The following SLC8A1 variants were observed in gnomAD, a reference collection of about 807,000 sequenced individuals.
SLC8A1 encodes solute carrier family 8 member A1.
SLC8A1 carries 18 observed loss-of-function variants against 68.3 expected under a neutral mutation model. The ratio of observed to expected loss-of-function variants is 0.26; its 90% CI spans 0.18 to 0.39. The LOEUF is 0.39. SLC8A1 is among the 10% of genes least tolerant of loss of function. The pLI, the probability that SLC8A1 is intolerant of heterozygous loss-of-function variation, is 1.00. For synonymous variants in SLC8A1, 475 were observed against 415.5 expected (o/e 1.14, Z -1.74); for missense variants, 985 against 1,156.7 (o/e 0.85, Z 2.15).
intron 2 of SLC8A1, among the ~76,000 whole-genome samples, chr2:40,389,833 G>GAT (rs1207899430): frequency 6.1e-5 from 9 of 147,798 alleles, no homozygotes; most frequent in East Asian, 3.9e-4. Context: ...TGATATATAT[G>GAT]ATATATATAT....
chr2:40,489,126 C>T (rs1705160783), intron 1 of SLC8A1, among the ~76,000 whole-genome samples: 2 of 152,102 alleles, frequency 1.3e-5, no homozygotes, highest in South Asian at 2.1e-4. Context: ...AGGAGGCTGT[C>T]TGAGTTTCTG....
At chr2:40,135,471 C>T (rs781572586) in intron 7 of SLC8A1, among the ~76,000 whole-genome samples, 21 of 151,746 alleles carry the variant, frequency 1.4e-4, no homozygotes, top group African/African-American at 2.4e-4. Context: ...ACTTTGGGGG[C>T]GGCAGGGGAG....
At chr2:40,359,588 G>C (rs772655336) in intron 2 of SLC8A1, among the ~76,000 whole-genome samples, 2 of 152,016 alleles carry the variant, frequency 1.3e-5, no homozygotes, top group Non-Finnish European at 2.9e-5. Flanking sequence ...TTTGGTTTAG[G>C]GTCAAGAAGT....
At chr2:40,474,329 C>A (rs1467800545) in intron 1 of SLC8A1, among the ~76,000 whole-genome samples, 2 of 152,128 alleles carry the variant, frequency 1.3e-5, no homozygotes, top group African/African-American at 2.4e-5. Flanking sequence ...CATAATGTAG[C>A]CTTATCACAT....
At chr2:40,327,591 AC>A (rs1559258344) in intron 2 of SLC8A1, among the ~76,000 whole-genome samples, 1 of 152,104 alleles carries the variant, frequency 6.6e-6, no homozygotes, top group Admixed American at 6.6e-5. Flanking sequence ...ATAAAAAAAA[AC>A]ATGTTCTTTG....
intron 2 of SLC8A1, among the ~76,000 whole-genome samples, chr2:40,314,752 T>C (rs994917374): frequency 6.6e-6 from 1 of 152,024 alleles, no homozygotes; most frequent in Admixed American, 6.6e-5. Context: ...TATTTTATAT[T>C]TTTGATGACA....
chr2:40,209,635 C>T (rs1036318220), intron 2 of SLC8A1, among the ~76,000 whole-genome samples: 2 of 152,072 alleles, frequency 1.3e-5, no homozygotes, highest in African/African-American at 2.4e-5. Context: ...CTGTGGTTCC[C>T]GGCAAAGGAT....
At chr2:40,288,849 A>AT (rs949794541) in intron 2 of SLC8A1, among the ~76,000 whole-genome samples, 1 of 138,762 alleles carries the variant, frequency 7.2e-6, no homozygotes, top group Admixed American at 7.2e-5. Context: ...ATATATATAT[A>AT]TATGTATATA....
intron 1 of SLC8A1, among the ~76,000 whole-genome samples, chr2:40,499,518 T>C (rs1705916899): frequency 6.6e-6 from 1 of 152,084 alleles, no homozygotes; most frequent in Admixed American, 6.6e-5. Context: ...ATTAGAGAGA[T>C]ATTCTTCAAG....
chr2:40,218,500 C>G (rs778599171), intron 2 of SLC8A1, among the ~76,000 whole-genome samples: 1 of 152,086 alleles, frequency 6.6e-6, no homozygotes, highest in Non-Finnish European at 1.5e-5. Context: ...TTTGCCGCTA[C>G]TTTTACTATT....
chr2:40,342,505 G>A (rs1226511759), intron 2 of SLC8A1, among the ~76,000 whole-genome samples: 3 of 152,062 alleles, frequency 2.0e-5, no homozygotes, highest in Non-Finnish European at 4.4e-5. Flanking sequence ...AAAAGTAAAT[G>A]GGAAGAAAGA....
intron 2 of SLC8A1, among the ~76,000 whole-genome samples, chr2:40,206,103 C>G (rs1356403634): frequency 1.3e-5 from 2 of 151,964 alleles, no homozygotes; most frequent in Non-Finnish European, 2.9e-5. Flanking sequence ...GGTGAATAAA[C>G]ACTAAAGTTC....
chr2:40,377,338 C>T (rs761600510), intron 2 of SLC8A1, among the ~76,000 whole-genome samples: 6 of 152,082 alleles, frequency 3.9e-5, no homozygotes, highest in Non-Finnish European at 8.8e-5. Flanking sequence ...AAGACCCCAG[C>T]CTTGGCCAAT....
chr2:40,493,882 T>G (rs1466295200), intron 1 of SLC8A1, among the ~76,000 whole-genome samples: 1 of 151,934 alleles, frequency 6.6e-6, no homozygotes, highest in Non-Finnish European at 1.5e-5. Context: ...TCTTTTTCTC[T>G]CCCCAACATT....
intron 1 of SLC8A1, among the ~76,000 whole-genome samples, chr2:40,450,549 C>T (rs946013262): frequency 6.6e-6 from 1 of 152,180 alleles, no homozygotes; most frequent in African/African-American, 2.4e-5. Flanking sequence ...GAAATCTCCA[C>T]CTACTCAGCT....
chr2:40,186,757 G>A (rs1031888320), intron 2 of SLC8A1, among the ~76,000 whole-genome samples: 13 of 152,056 alleles, frequency 8.5e-5, no homozygotes, highest in Non-Finnish European at 4.4e-5. Context: ...GTCACTTCTG[G>A]CATCCTTCTA....
At chr2:40,275,889 G>A (rs543663433) in intron 2 of SLC8A1, among the ~76,000 whole-genome samples, 42 of 152,224 alleles carry the variant, frequency 2.8e-4, no homozygotes, top group African/African-American at 9.6e-4. Flanking sequence ...CAGGCTTGAG[G>A]GCTGACTCTC....
At chr2:40,139,461 T>C in exon 7 of SLC8A1, 3 of 1,614,158 alleles carry the variant, frequency 1.9e-6, no homozygotes, top group East Asian at 2.2e-5. Context: ...TTCAGGCCAA[T>C]GGTGCAGCCA....
chr2:40,496,285 C>G (rs1289576828), intron 1 of SLC8A1, among the ~76,000 whole-genome samples: 1 of 152,044 alleles, frequency 6.6e-6, no homozygotes. Flanking sequence ...GTTTCCAGAT[C>G]CAAATGGGTG....
Sources: allele counts gnomAD v4.1 joint callset (sites outside exome capture counted in the v4.1 genomes callset), GRCh38; gene constraint gnomAD v4.1.1; transcripts MANE v1.5; gene names NCBI Gene and HGNC (gene_info 2026-07-23, HGNC 2026-07-21).